SPOCK1: variants seen among roughly 807,000 people sequenced by gnomAD.
SPOCK1 encodes testican-1.
A neutral mutation model predicts 55.3 loss-of-function variants in SPOCK1; 23 were observed. The ratio of observed to expected loss-of-function variants is 0.42; its 90% CI spans 0.30 to 0.59. The LOEUF (loss-of-function observed/expected upper bound fraction) is 0.59. Among genes scored for constraint, SPOCK1 ranks in the 20% least tolerant of loss-of-function variants. SPOCK1 has a pLI of 0.22. For missense variants in SPOCK1, 499 were observed against 552.5 expected (o/e 0.90, Z 0.97); for synonymous variants, 226 against 221.0 (o/e 1.02, Z -0.20).
chr5:137,122,875 G>A (rs555119764), intron 4 of SPOCK1, among the ~76,000 whole-genome samples: 7 of 152,220 alleles, frequency 4.6e-5, no homozygotes, highest in Non-Finnish European at 8.8e-5. Flanking sequence ...ATGTGCCCAT[G>A]GGAAAGAAAA....
At chr5:137,124,270 G>T (rs1400670051) in intron 4 of SPOCK1, among the ~76,000 whole-genome samples, 1 of 152,210 alleles carries the variant, frequency 6.6e-6, no homozygotes, top group African/African-American at 2.4e-5. Flanking sequence ...AGCAGCTGCA[G>T]GCCTGAGCCC....
At chr5:136,997,985 A>G (rs938379084) in intron 6 of SPOCK1, among the ~76,000 whole-genome samples, 1 of 152,188 alleles carries the variant, frequency 6.6e-6, no homozygotes, top group African/African-American at 2.4e-5. Context: ...TGCCTTTTGT[A>G]AACTTCAATT....
chr5:137,326,140 G>C (rs1758072203), intron 2 of SPOCK1, among the ~76,000 whole-genome samples: 1 of 152,036 alleles, frequency 6.6e-6, no homozygotes, highest in African/African-American at 2.4e-5. Context: ...CTGATGATAG[G>C]AGAAGAGGAA....
chr5:137,394,776 A>G (rs1469623084), intron 2 of SPOCK1, among the ~76,000 whole-genome samples: 1 of 152,236 alleles, frequency 6.6e-6, no homozygotes, highest in Non-Finnish European at 1.5e-5. Context: ...AAAGTGTAAT[A>G]GGGTTTTAAG....
At chr5:137,453,877 A>C (rs1753310948) in intron 2 of SPOCK1, among the ~76,000 whole-genome samples, 1 of 152,144 alleles carries the variant, frequency 6.6e-6, no homozygotes, top group African/African-American at 2.4e-5. Context: ...TTAGAGGTCT[A>C]ATGTGATTGT....
chr5:137,491,813 T>G (rs1467709612), intron 2 of SPOCK1, among the ~76,000 whole-genome samples: 2 of 152,194 alleles, frequency 1.3e-5, no homozygotes, highest in African/African-American at 4.8e-5. Flanking sequence ...CTGCTGTGTG[T>G]GAGGCATGAC....
intron 3 of SPOCK1, among the ~76,000 whole-genome samples, chr5:137,190,635 G>A (rs1186543241): frequency 1.3e-5 from 2 of 152,130 alleles, no homozygotes; most frequent in Non-Finnish European, 2.9e-5. Context: ...TATCTCTAAG[G>A]TATGCCTGTA....
intron 2 of SPOCK1, among the ~76,000 whole-genome samples, chr5:137,366,291 G>A (rs1453803711): frequency 6.6e-6 from 1 of 151,606 alleles, no homozygotes; most frequent in East Asian, 1.9e-4. Context: ...ATTTGGAGCT[G>A]TCTTATCAAA....
chr5:137,305,875 A>C (rs576463040), intron 2 of SPOCK1, among the ~76,000 whole-genome samples: 27 of 152,312 alleles, frequency 1.8e-4, no homozygotes, highest in African/African-American at 6.0e-4. Context: ...ATGCATTCAC[A>C]TGGATATATG....
chr5:137,349,067 C>G (rs1172967380), intron 2 of SPOCK1, among the ~76,000 whole-genome samples: 1 of 152,152 alleles, frequency 6.6e-6, no homozygotes, highest in Non-Finnish European at 1.5e-5. Flanking sequence ...TTAGGTAACT[C>G]TCCCAACTCA....
intron 3 of SPOCK1, among the ~76,000 whole-genome samples, chr5:137,231,201 CAACCAGCT>C (rs1249978769): frequency 1.3e-5 from 2 of 152,182 alleles, no homozygotes; most frequent in African/African-American, 4.8e-5. Flanking sequence ...TGCGCCACCA[CAACCAGCT>C]AATTTTTGTA....
At chr5:137,440,695 G>A (rs945716310) in intron 2 of SPOCK1, among the ~76,000 whole-genome samples, 1 of 152,180 alleles carries the variant, frequency 6.6e-6, no homozygotes, top group Admixed American at 6.5e-5. Context: ...TCGTGATTTG[G>A]TTCCCTGGAA....
At chr5:137,498,003 G>A (rs1464496043) in intron 2 of SPOCK1, among the ~76,000 whole-genome samples, 2 of 152,016 alleles carry the variant, frequency 1.3e-5, no homozygotes, top group Admixed American at 6.6e-5. Flanking sequence ...GGTTTTCTCC[G>A]GAGCTAGGGA....
At chr5:137,441,367 C>G (rs1007731041) in intron 2 of SPOCK1, among the ~76,000 whole-genome samples, 4 of 152,352 alleles carry the variant, frequency 2.6e-5, no homozygotes, top group Middle Eastern at 3.4e-3. Context: ...AGGAAATCAC[C>G]ACCTTTCTCC....
At chr5:137,076,325 A>G (rs1440043054) in intron 5 of SPOCK1, among the ~76,000 whole-genome samples, 1 of 152,236 alleles carries the variant, frequency 6.6e-6, no homozygotes, top group Non-Finnish European at 1.5e-5. Context: ...CTTGAAGGAA[A>G]TAGTATCTTT....
In SPOCK1 at chr5:137,399,666, G is replaced by C. The variant is rs1645506087; in HGVS notation, c.186+98707C>G. Among the ~76,000 whole-genome samples, 3 of 152,112 alleles carry C rather than the reference G, an allele frequency of 2.0e-5. No individual in the cohort carries two copies. In the South Asian group the frequency reaches 6.2e-4, roughly 32 times the overall value. On this transcript the variant is annotated intron_variant, in intron 2 of 10. Coordinates refer to ENST00000394945, the MANE Select transcript of SPOCK1 (RefSeq NM_004598.4). ...TAGACCAGACGTTTGCACGTAAAGAGAGACCTCACCAACACAGAAGAAAGC... is the reference window on the plus strand; with the variant it reads ...TAGACCAGACGTTTGCACGTAAAGACAGACCTCACCAACACAGAAGAAAGC...
intron 2 of SPOCK1, among the ~76,000 whole-genome samples, chr5:137,324,282 T>C (rs1758034162): frequency 2.0e-5 from 3 of 152,052 alleles, no homozygotes; most frequent in Admixed American, 2.0e-4. Flanking sequence ...CCATCTCTAC[T>C]AAAAATACAA....
chr5:137,315,156 T>C (rs10053954), intron 2 of SPOCK1, among the ~76,000 whole-genome samples: 43,809 of 152,136 alleles, frequency 0.29, 7,171 homozygotes, highest in African/African-American at 0.44. Flanking sequence ...CAAGGAATAG[T>C]TTCACTGTCT....
At chr5:137,027,874 G>A (rs1751707159) in intron 6 of SPOCK1, among the ~76,000 whole-genome samples, 1 of 152,192 alleles carries the variant, frequency 6.6e-6, no homozygotes, top group African/African-American at 2.4e-5. Flanking sequence ...TGAAAAGCCT[G>A]CTGGGCAAGG....
Sources: allele counts gnomAD v4.1 joint callset (sites outside exome capture counted in the v4.1 genomes callset), GRCh38; gene constraint gnomAD v4.1.1; transcripts MANE v1.5; gene names NCBI Gene and HGNC (gene_info 2026-07-23, HGNC 2026-07-21).